TMEM150B: variants seen among roughly 807,000 people sequenced by gnomAD.
TMEM150B encodes modulator of macroautophagy TMEM150B.
Under a neutral mutation model 25.2 loss-of-function variants are expected in TMEM150B, and 33 were observed. The observed-to-expected ratio is 1.31, with a 90% CI of 0.99 to 1.75. TMEM150B has a LOEUF of 1.75. Ranked by LOEUF, TMEM150B falls within the 40% of genes most tolerant of loss-of-function variation. TMEM150B has a pLI of 0.00. For missense variants in TMEM150B, 322 were observed against 306.1 expected (o/e 1.05, Z -0.39); for synonymous variants, 133 against 134.8 (o/e 0.99, Z 0.09).
At position 55,320,660 on chromosome 19, in the gene TMEM150B, C is replaced by A. The variant is rs780762140; in HGVS notation, c.69-43G>T. 3.8e-6 allele frequency: 6 copies of A among 1,589,734 alleles called. No individual in the cohort carries two copies. The South Asian group carries it at 4.4e-5, about 12-fold the overall frequency. On this transcript the variant is annotated intron_variant, in intron 3 of 7. Transcript: ENST00000326652. Reference sequence around the variant, plus strand: ...GTGAGTGGGCGACTCTCACCAACAACTTTTCCTTCTGTTAACCAAACAAAC... The same window carrying A: ...GTGAGTGGGCGACTCTCACCAACAAATTTTCCTTCTGTTAACCAAACAAAC...
At chr19:55,313,173 C>T in intron 7 of TMEM150B, 118 bp from the exon 8 acceptor site, 1 of 1,067,808 alleles carries the variant, frequency 9.4e-7, no homozygotes, top group Admixed American at 2.5e-5. Context: ...TCAGCTCTCC[C>T]CTTCCCCCGT....
intron 7 of TMEM150B, among the ~76,000 whole-genome samples, chr19:55,313,484 G>A (rs1478333297): frequency 2.6e-5 from 4 of 152,054 alleles, no homozygotes; most frequent in South Asian, 4.2e-4. Flanking sequence ...CATCCACCCC[G>A]CTACCCATGG....
chr19:55,312,791 G>A (rs971000622), downstream of TMEM150B: 256 of 1,458,542 alleles, frequency 1.8e-4, no homozygotes, highest in Non-Finnish European at 1.8e-4. Context: ...TGCTGGGTGC[G>A]GGGCACTGGG....
rs547473385 is a variant in TMEM150B, at chr19:55,314,287, G to A, written c.506-1232C>T. ...TCCGCCCGCCTTAGTCTCCCAAAGCGCTGGGATTATGGGCATGAGCCACAA... is the reference window on the plus strand; with the variant it reads ...TCCGCCCGCCTTAGTCTCCCAAAGCACTGGGATTATGGGCATGAGCCACAA... On this transcript the variant is annotated intron_variant, in intron 7 of 7. Transcript: ENST00000326652. Among the ~76,000 whole-genome samples, 6 of 152,270 alleles carry A rather than the reference G, an allele frequency of 3.9e-5. No homozygotes were observed. The South Asian group carries it at 8.3e-4, about 21-fold the overall frequency.
chr19:55,321,937 G>A (rs1173395249), intron 2 of TMEM150B, among the ~76,000 whole-genome samples: 2 of 152,026 alleles, frequency 1.3e-5, no homozygotes, highest in African/African-American at 4.8e-5. Context: ...TTCTCCTTTT[G>A]CCTGCTGGAG....
At chr19:55,316,363 T>C (rs1038580431) in intron 7 of TMEM150B, among the ~76,000 whole-genome samples, 8 of 138,530 alleles carry the variant, frequency 5.8e-5, no homozygotes, top group African/African-American at 1.9e-4. Context: ...CGTAACCACA[T>C]GATTCCTGGC....
At chr19:55,323,108 A>G (rs1337571198) in intron 1 of TMEM150B, among the ~76,000 whole-genome samples, 3 of 152,172 alleles carry the variant, frequency 2.0e-5, no homozygotes, top group Admixed American at 6.5e-5. Flanking sequence ...TTTAATGGAC[A>G]TAAAATCCAC....
chr19:55,311,572 C>A (rs191768524), downstream of TMEM150B, among the ~76,000 whole-genome samples: 275 of 152,304 alleles, frequency 1.8e-3, 1 homozygote, highest in Middle Eastern at 6.8e-3. Flanking sequence ...ACCGTCCTGG[C>A]AGGCTGTTTC....
Position 55,322,654 on chromosome 19 carries a change from A to C in TMEM150B, c.-64T>G, listed in dbSNP as rs2089237576. The C allele has an allele frequency of 1.0e-6, 1 of 984,544 alleles. No homozygotes were observed. Among genetic ancestry groups the C allele is most frequent in the Non-Finnish European group, 1.2e-6 (1 of 829,762 alleles). The allele number at this position is 984,544 out of a possible 1,614,324, so 61.0% of individuals were successfully genotyped here. A position where few individuals can be genotyped will look rare whatever the true frequency, so the allele number is the denominator to read the frequency against. On this transcript the variant is annotated 5_prime_UTR_variant, in exon 2 of 8. Coordinates refer to ENST00000326652, the MANE Select transcript of TMEM150B (RefSeq NM_001282011.2). ...GCCTCCCCAGGATGCTCACCTCTCC[A>C]AGCTTCCTGGGGCTCTCAGTCCTGG...
At position 55,322,669 on chromosome 19, in the gene TMEM150B, C is replaced by G. The variant is rs574602306; in HGVS notation, c.-79G>C. 89 of 985,212 alleles carry G rather than the reference C, an allele frequency of 9.0e-5. No homozygotes were observed. The Middle Eastern group carries it at 1.5e-3, about 17-fold the overall frequency. 61.0% of individuals were successfully genotyped at this position (985,212 alleles called of 1,614,324 possible). On this transcript the variant is annotated 5_prime_UTR_variant, in exon 2 of 8. Transcript: ENST00000326652. ...TCACCTCTCCAAGCTTCCTGGGGCT[C>G]TCAGTCCTGGAGCTGGGGCTGGGTG...
intron 4 of TMEM150B, 29 bp downstream of exon 4, chr19:55,320,529 C>T (rs761976361): frequency 1.2e-6 from 2 of 1,613,798 alleles, no homozygotes; most frequent in Non-Finnish European, 1.7e-6. Flanking sequence ...CGGCGATCCC[C>T]CCAAATCCCT....
rs1429801998 is a variant in TMEM150B, at chr19:55,320,172, A to G, written c.197-6T>C. On this transcript the variant is annotated splice_region_variant and splice_polypyrimidine_tract_variant and intron_variant, in intron 5 of 7. Transcript: ENST00000326652. The stretch of plus-strand genomic sequence containing the variant: ...GACAATGCAGATCCACGCGGCTGGG[A>G]GTAGAGGGGAGAAGGAAGTGGGAGG... 1 of 1,613,382 alleles carries G rather than the reference A, an allele frequency of 6.2e-7. No individual in the cohort carries two copies. Among genetic ancestry groups the G allele is most frequent in the South Asian group, 1.1e-5 (1 of 90,996 alleles).
rs903389850 is a variant in TMEM150B, at chr19:55,320,748, A to G, written c.69-131T>C. The G allele has an allele frequency of 8.8e-6, 10 of 1,141,294 alleles. No individual in the cohort carries two copies. In the African/African-American group the frequency reaches 1.6e-4, roughly 18 times the overall value. 70.7% of individuals were successfully genotyped at this position (1,141,294 alleles called of 1,614,324 possible). A position where few individuals can be genotyped will look rare whatever the true frequency, so the allele number is the denominator to read the frequency against. ...CCAGGCCCCCAGCCCCTCCTCCCTC[A>G]GACCCAGGAGTCCAGATCCCCCAGC... On this transcript the variant is annotated intron_variant, in intron 3 of 7. Transcript: ENST00000326652.
At chr19:55,312,292 A>T, downstream of TMEM150B, 2 of 164,262 alleles carry the variant, frequency 1.2e-5, no homozygotes, top group Non-Finnish European at 2.2e-5. Context: ...TGATTAATTT[A>T]TTATTTTATT....
chr19:55,321,154 C>A, intron 2 of TMEM150B, 61 bp from the exon 3 acceptor site: 1 of 1,465,156 alleles, frequency 6.8e-7, no homozygotes, highest in Non-Finnish European at 9.0e-7. Flanking sequence ...AACCACTAGG[C>A]CCCGCTTGGC....
At chr19:55,316,318 C>A (rs2088996166) in intron 7 of TMEM150B, among the ~76,000 whole-genome samples, 1 of 151,522 alleles carries the variant, frequency 6.6e-6, no homozygotes, top group East Asian at 1.9e-4. Flanking sequence ...CGCATCCTGG[C>A]CGAAAGACTT....
chr19:55,322,403 C>T (rs1163749747), intron 2 of TMEM150B, among the ~76,000 whole-genome samples: 1 of 152,126 alleles, frequency 6.6e-6, no homozygotes, highest in African/African-American at 2.4e-5. Flanking sequence ...AAGAACCAGC[C>T]CCTTGGGGAG....
chr19:55,312,166 G>C (rs553093033), downstream of TMEM150B: 47 of 582,098 alleles, frequency 8.1e-5, no homozygotes, highest in Non-Finnish European at 1.1e-4. Context: ...ATGTCGGGAG[G>C]GGGGTGGACA....
At chr19:55,317,811 G>T (rs2089058033) in intron 6 of TMEM150B, among the ~76,000 whole-genome samples, 1 of 151,380 alleles carries the variant, frequency 6.6e-6, no homozygotes, top group African/African-American at 2.4e-5. Context: ...ATATTAGCCG[G>T]TCATGGTGGC....
Sources: gnomAD v4.1 joint callset for allele counts (sites outside exome capture counted in the v4.1 genomes callset) on GRCh38, gnomAD v4.1.1 for gene constraint, MANE v1.5 for transcripts, NCBI Gene and HGNC (gene_info 2026-07-23, HGNC 2026-07-21) for gene names.